The following KCNK16 variants were observed in gnomAD, a reference collection of about 807,000 sequenced individuals.
KCNK16 encodes the protein potassium channel subfamily K member 16.
KCNK16 carries 23 observed loss-of-function variants against 23.0 expected under a neutral mutation model. The observed-to-expected ratio is 1.00, with a 90% CI of 0.72 to 1.41. The LOEUF is 1.41. Ranked by LOEUF, KCNK16 falls within the 40% of genes most tolerant of loss-of-function variation. The pLI, the probability that KCNK16 is intolerant of heterozygous loss-of-function variation, is 0.00. For missense variants in KCNK16, 327 were observed against 365.8 expected (o/e 0.89, Z 0.87); for synonymous variants, 145 against 153.5 (o/e 0.94, Z 0.41).
rs1382789197 is a variant in KCNK16 at position 39,319,945 on chromosome 6, G to C, written c.214-812C>G. 6.6e-6 allele frequency among the ~76,000 whole-genome samples: 1 copy of C among 152,150 alleles called. No homozygotes were observed. Among genetic ancestry groups the C allele is most frequent in the African/African-American group, 2.4e-5 (1 of 41,428 alleles). On this transcript the variant is annotated intron_variant, in intron 1 of 4. Transcript: ENST00000437525. The surrounding 1 kb of genome is among the most constrained non-coding windows in gnomAD (Gnocchi z 4.2). ...GCTGCCCCACTGCTGACAACCTCCA[G>C]TCCCTGGGCCCAGCCGCCTTGGAGA...
intron 1 of KCNK16, 88 bp downstream of exon 1, chr6:39,322,240 G>A: frequency 1.3e-6 from 2 of 1,528,462 alleles, no homozygotes; most frequent in South Asian, 1.3e-5. Flanking sequence ...ATCAGCTCCT[G>A]GGTGAGGACT....
Position 39,316,395 on chromosome 6 carries a change from C to T in KCNK16, c.709G>A (p.Ala237Thr). 2 of 1,611,626 alleles carry T rather than the reference C, an allele frequency of 1.2e-6. No homozygotes were observed. Among genetic ancestry groups the T allele is most frequent in the Non-Finnish European group, 1.7e-6 (2 of 1,178,956 alleles). ...HYISVYRSLA[A>T]IWILLGLAWL... ...GCCAGGCCCAGGAGGATCCAGATGG[C>T]TGCCAGGCTCCGATACACTGAGATA... The change falls in exon 5 of 5, where the codon GCC becomes ACC. Residue 237 changes from alanine to threonine, a missense_variant. Ala to Thr is a moderately conservative substitution (Grantham distance 58). Coordinates refer to ENST00000437525, the MANE Select transcript of KCNK16 (RefSeq NM_001135106.2).
chr6:39,316,571 A>G, intron 4 of KCNK16, 129 bp from the exon 5 acceptor site: 1 of 1,261,838 alleles, frequency 7.9e-7, no homozygotes, highest in Admixed American at 2.3e-5. Context: ...CAGTTGAGGT[A>G]GGTCTCTGCA....
At chr6:39,316,121 G>A, downstream of KCNK16, 1 of 1,421,322 alleles carries the variant, frequency 7.0e-7, no homozygotes, top group East Asian at 2.5e-5. Flanking sequence ...TGAGAAGTGA[G>A]GGGGTTGGGA....
chr6:39,316,396 T>C lies in KCNK16; in HGVS notation c.708A>G (p.Ala236=). 6.2e-7 allele frequency: 1 copy of C among 1,611,704 alleles called. No homozygotes were observed. The highest frequency in any genetic ancestry group is 8.5e-7 in the Non-Finnish European group (1 of 1,179,010). The change falls in exon 5 of 5, where the codon GCA becomes GCG. Residue 236 remains alanine, a synonymous_variant. Coordinates refer to ENST00000437525, the MANE Select transcript of KCNK16 (RefSeq NM_001135106.2). The part of the protein sequence containing the change: ...KHYISVYRSL[A]AIWILLGLAW... ...CCAGGCCCAGGAGGATCCAGATGGC[T>C]GCCAGGCTCCGATACACTGAGATAT...
downstream of KCNK16, chr6:39,315,041 G>A (rs1250354198): frequency 6.2e-7 from 1 of 1,613,260 alleles, no homozygotes; most frequent in African/African-American, 1.3e-5. Flanking sequence ...GGAAGTCCTG[G>A]GGTGTGACTT....
downstream of KCNK16, chr6:39,315,185 G>A (rs773252799): frequency 6.2e-7 from 1 of 1,614,230 alleles, no homozygotes; most frequent in Non-Finnish European, 8.5e-7. Context: ...TGATGGGAGA[G>A]GCAAAGGCCA....
At chr6:39,315,368 G>A, downstream of KCNK16, 1 of 1,551,604 alleles carries the variant, frequency 6.4e-7, no homozygotes. Context: ...CTTCCCATGG[G>A]GTGTTTGGAA....
chr6:39,316,459 T>C lies in KCNK16; in HGVS notation c.662-17A>G, dbSNP rs939154744. On this transcript the variant is annotated splice_polypyrimidine_tract_variant and intron_variant, in intron 4 of 4. Transcript: ENST00000437525. Reference sequence around the variant, plus strand: ...GGTCTGTGCCTGCCAGGGAAGGGAATGGCATCAATGCCAGGGGTCTCAGGG... The same window carrying C: ...GGTCTGTGCCTGCCAGGGAAGGGAACGGCATCAATGCCAGGGGTCTCAGGG... The C allele has an allele frequency of 6.3e-7, 1 of 1,585,502 alleles. No individual in the cohort carries two copies. Among genetic ancestry groups the C allele is most frequent in the African/African-American group, 1.3e-5 (1 of 74,284 alleles).
rs748998245 is a variant in KCNK16 at position 39,316,904 on chromosome 6, G to A, written c.539C>T (p.Thr180Met). 155 of 1,613,900 alleles carry A rather than the reference G, an allele frequency of 9.6e-5. No homozygotes were observed. Among genetic ancestry groups the A allele is most frequent in the Non-Finnish European group, 1.1e-4 (135 of 1,180,006 alleles). Residue 180 changes from threonine (T) to methionine (M), a missense_variant, in exon 4 of 5, where the codon ACG becomes ATG. Coordinates refer to ENST00000437525, the MANE Select transcript of KCNK16 (RefSeq NM_001135106.2). Reference sequence around the variant, plus strand: ...GGGTGGGAAGATGAGAATGACCAGCGTCCCCAGGGTCAGGAACAGAGCCAG... The same window carrying A: ...GGGTGGGAAGATGAGAATGACCAGCATCCCCAGGGTCAGGAACAGAGCCAG... Reference protein sequence around the residue: ...LGLALFLTLGTLVILIFPPMV... With the variant: ...LGLALFLTLGMLVILIFPPMV...
chr6:39,316,697 T>C lies in KCNK16; in HGVS notation c.661+85A>G, dbSNP rs867620462. The C allele has an allele frequency of 6.6e-5, 97 of 1,469,690 alleles. 1 individual carries two copies. In the Middle Eastern group the frequency reaches 9.0e-4, roughly 14 times the overall value. The allele number at this position is 1,469,690 out of a possible 1,614,324, so 91.0% of individuals were successfully genotyped here. A position where few individuals can be genotyped will look rare whatever the true frequency, so the allele number is the denominator to read the frequency against. On this transcript the variant is annotated intron_variant, in intron 4 of 4. Transcript: ENST00000437525. ...TGACCAAGGGCTATCTTATCCTCAA[T>C]AGTTGTCCTCAGCTGACATCTCTCC...
rs1762544208 is a variant in KCNK16 at position 39,322,360 on chromosome 6, G to C, written c.181C>G (p.Leu61Val). The change falls in exon 1 of 5, where the codon CTG becomes GTG. Residue 61 changes from leucine to valine, a missense_variant. By Grantham distance (32) the Leu-to-Val change is conservative (BLOSUM62 1). Transcript: ENST00000437525. ...AACTGCTCCATGGCCCACTGGTCCA[G>C]GCAGGTGTAGTTCTCCAGGAAGCGC... The part of the protein sequence containing the change: ...KLRFLENYTC[L>V]DQWAMEQFVQ... 2 of 1,614,196 alleles carry C rather than the reference G, an allele frequency of 1.2e-6. No individual in the cohort carries two copies. The highest frequency in any genetic ancestry group is 1.7e-6 in the Non-Finnish European group (2 of 1,180,018).
chr6:39,322,690 G>T lies in KCNK16; in HGVS notation c.-150C>A. 8.0e-7 allele frequency: 1 copy of T among 1,255,766 alleles called. No individual in the cohort carries two copies. The highest frequency in any genetic ancestry group is 1.1e-6 in the Non-Finnish European group (1 of 934,574). The allele number at this position is 1,255,766 out of a possible 1,614,324, so 77.8% of individuals were successfully genotyped here. On this transcript the variant is annotated 5_prime_UTR_variant, in exon 1 of 5. Coordinates refer to ENST00000437525, the MANE Select transcript of KCNK16 (RefSeq NM_001135106.2). The stretch of plus-strand genomic sequence containing the variant: ...CAGGTGTCTGGAGGCTGGGGAGACT[G>T]TTTGAACAGTGCGGCTCAGCTTGGC...
At position 39,318,764 on chromosome 6, in the gene KCNK16, G is replaced by A. The variant is rs142504058; in HGVS notation, c.328+255C>T. Among the ~76,000 whole-genome samples, 134 of 152,276 alleles carry A rather than the reference G, an allele frequency of 8.8e-4. No individual in the cohort carries two copies. In the Middle Eastern group the frequency reaches 0.014, roughly 15 times the overall value. Reference sequence around the variant, plus strand: ...CCTCATTCTTGTCCCTCGCTGGACCGTTCTGAGGAAGGGCTCTATCTAGCC... The same window carrying A: ...CCTCATTCTTGTCCCTCGCTGGACCATTCTGAGGAAGGGCTCTATCTAGCC... On this transcript the variant is annotated intron_variant, in intron 2 of 4. Transcript: ENST00000437525.
downstream of KCNK16, chr6:39,315,016 C>G (rs1225169124): frequency 6.2e-7 from 1 of 1,604,998 alleles, no homozygotes; most frequent in South Asian, 1.1e-5. Context: ...CTTCCCAGTC[C>G]TTTCTTGGAT....
upstream of KCNK16, chr6:39,322,802 G>C (rs1750027636): frequency 2.0e-6 from 1 of 494,314 alleles, no homozygotes; most frequent in Non-Finnish European, 3.6e-6. Flanking sequence ...GTCAGTGTCA[G>C]GGACCCTTCA....
chr6:39,315,822 G>A (rs1375836047), downstream of KCNK16, among the ~76,000 whole-genome samples: 1 of 152,186 alleles, frequency 6.6e-6, no homozygotes, highest in Non-Finnish European at 1.5e-5. Flanking sequence ...CCCTGGCACA[G>A]CACCTGGCAC....
At position 39,319,875 on chromosome 6, in the gene KCNK16, C is replaced by T. The variant is rs1762453962; in HGVS notation, c.214-742G>A. On this transcript the variant is annotated intron_variant, in intron 1 of 4. Coordinates refer to ENST00000437525, the MANE Select transcript of KCNK16 (RefSeq NM_001135106.2). The surrounding 1 kb of genome is among the most constrained non-coding windows in gnomAD (Gnocchi z 4.2). The stretch of plus-strand genomic sequence containing the variant: ...TGTATGTGTGTTGCATGTGTTTTCA[C>T]AAGACCCGAACCTTTGCCGGCTCAA... Among the ~76,000 whole-genome samples, 4 of 152,206 alleles carry T rather than the reference C, an allele frequency of 2.6e-5. No individual in the cohort carries two copies. In the South Asian group the frequency reaches 8.3e-4, roughly 32 times the overall value.
intron 1 of KCNK16, among the ~76,000 whole-genome samples, chr6:39,320,811 C>G (rs1200150803): frequency 3.3e-5 from 5 of 151,274 alleles, no homozygotes; most frequent in African/African-American, 1.2e-4. Context: ...CCCACGCCCT[C>G]CAGCTTGGCT....
Sources: gnomAD v4.1 joint callset for allele counts (sites outside exome capture counted in the v4.1 genomes callset) on GRCh38, gnomAD v4.1.1 for gene constraint, Gnocchi (gnomAD v3.1) non-coding constraint, MANE v1.5 for transcripts, NCBI Gene and HGNC (gene_info 2026-07-23, HGNC 2026-07-21) for gene names.